CLCN7: variants seen among roughly 807,000 people sequenced by gnomAD.
CLCN7 encodes Cl-/H+ antiporter 7, also known as H(+)/Cl(-) exchange transporter 7.
In CLCN7, 60 loss-of-function variants were observed where a neutral mutation model predicts 102.1. The ratio of observed to expected loss-of-function variants is 0.59; its 90% confidence interval spans 0.48 to 0.73. The LOEUF (loss-of-function observed/expected upper bound fraction) is 0.73. Among genes scored for constraint, CLCN7 ranks in the 30% least tolerant of loss-of-function variants. The pLI, the probability that CLCN7 is intolerant of heterozygous loss-of-function variation, is 0.00. For missense variants in CLCN7, 962 were observed against 1,125.7 expected (o/e 0.85, Z 2.08); for synonymous variants, 560 against 490.5 (o/e 1.14, Z -1.87).
rs957401323 is a variant in CLCN7 at position 1,453,001 on chromosome 16, TTTTG to T, written c.1215-112_1215-109del. The T allele has an allele frequency of 2.0e-4, 289 of 1,461,786 alleles. 2 individuals carry two copies. The highest frequency in any genetic ancestry group is 1.3e-3 in the African/African-American group (94 of 71,306). The allele number at this position is 1,461,786 out of a possible 1,614,324, so 90.6% of individuals were successfully genotyped here. On this transcript the variant is annotated intron_variant, in intron 14 of 24. Transcript: ENST00000382745. ...TGGAGGACACTGGGCCCGTGGTGCT[TTTTG>T]TTTGTTTGTTTTTGTTTTTGAGACG...
At chr16:1,448,608 C>T (rs942884737) in intron 20 of CLCN7, 73 bp downstream of exon 20, 24 of 1,603,128 alleles carry the variant, frequency 1.5e-5, no homozygotes, top group South Asian at 7.7e-5. Flanking sequence ...GCCCGCAAGC[C>T]GTGCACCCTG....
At chr16:1,470,568 T>G (rs564256504) in intron 1 of CLCN7, among the ~76,000 whole-genome samples, 22 of 152,264 alleles carry the variant, frequency 1.4e-4, no homozygotes, top group African/African-American at 5.3e-4. Flanking sequence ...CCCATGGCGT[T>G]AAGGCAGAGA....
rs1596227431 is a variant in CLCN7, at chr16:1,465,275, A to G, written c.205T>C (p.Leu69=). The change falls in exon 2 of 25, where the codon TTG becomes CTG. Residue 69 remains leucine, a synonymous_variant. Coordinates refer to ENST00000382745, the MANE Select transcript of CLCN7 (RefSeq NM_001287.6). ...GAACACCCCCAACTCACCGGGTCCA[A>G]AAGTTCATCATCCAGCTCCACGCTG... is the stretch of plus-strand genomic sequence containing the variant. ...MSSVELDDEL[L]DPDMDPPHPF... 1.2e-6 allele frequency: 2 copies of G among 1,613,820 alleles called. No individual in the cohort carries two copies. The highest frequency in any genetic ancestry group is 1.3e-5 in the African/African-American group (1 of 75,056).
At chr16:1,465,421 G>A (rs2038991911) in intron 1 of CLCN7, 83 bp from the exon 2 acceptor site, 1 of 1,256,232 alleles carries the variant, frequency 8.0e-7, no homozygotes, top group African/African-American at 1.5e-5. Context: ...GCCGCACCCT[G>A]GCCTCGCCTG....
rs1239759759 is a variant in CLCN7, at chr16:1,457,766, A to G, written c.676-10T>C. Reference sequence around the variant, plus strand: ...CTTTGATCACCAACGTCTGAAACACAGGGAGACGCATGGCCTCTGATGAAA... The same window carrying G: ...CTTTGATCACCAACGTCTGAAACACGGGGAGACGCATGGCCTCTGATGAAA... On this transcript the variant is annotated splice_polypyrimidine_tract_variant and intron_variant, in intron 7 of 24. Coordinates refer to ENST00000382745, the MANE Select transcript of CLCN7 (RefSeq NM_001287.6). The surrounding 1 kb of genome is among the most constrained non-coding windows in gnomAD (Gnocchi z 5.4). 3.1e-6 allele frequency: 5 copies of G among 1,613,244 alleles called. No homozygotes were observed. Among genetic ancestry groups the G allele is most frequent in the Non-Finnish European group, 4.2e-6 (5 of 1,179,476 alleles).
chr16:1,463,906 CT>C (rs2038971610), intron 2 of CLCN7, among the ~76,000 whole-genome samples: 1 of 152,112 alleles, frequency 6.6e-6, no homozygotes, highest in Non-Finnish European at 1.5e-5. Flanking sequence ...TCCCAAGTAG[CT>C]GGGACTACTG....
chr16:1,452,918 G>T, intron 14 of CLCN7, 25 bp from the exon 15 acceptor site: 1 of 1,558,962 alleles, frequency 6.4e-7, no homozygotes, highest in Non-Finnish European at 8.7e-7. Flanking sequence ...CAGGCTGCAT[G>T]GCAGGCAGGA....
rs73492094 is a variant in CLCN7 at position 1,464,170 on chromosome 16, G to A, written c.213+1097C>T. ...AGAAAACTTCTATAAATCATGTATT[G>A]GATGAGAGATTTGCATCTATGTATA... On this transcript the variant is annotated intron_variant, in intron 2 of 24. Coordinates refer to ENST00000382745, the MANE Select transcript of CLCN7 (RefSeq NM_001287.6). Among the ~76,000 whole-genome samples the A allele has an allele frequency of 5.7e-3, 863 of 152,200 alleles. 10 individuals carry two copies. The highest frequency in any genetic ancestry group is 0.02 in the African/African-American group (823 of 41,516).
chr16:1,445,986 A>C lies in CLCN7; in HGVS notation c.*645T>G. 2.2e-6 allele frequency: 1 copy of C among 449,450 alleles called. No individual in the cohort carries two copies. The highest frequency in any genetic ancestry group is 4.0e-6 in the Non-Finnish European group (1 of 252,018). The allele number at this position is 449,450 out of a possible 1,614,324, so 27.8% of individuals were successfully genotyped here. On this transcript the variant is annotated 3_prime_UTR_variant, in exon 25 of 25. Transcript: ENST00000382745. ...CATCACAGCACAGGGCCCGTGAGTC[A>C]CCCCAGTCCTCTGGGCCTGTGTACC...
rs1248219252 is a variant in CLCN7 at position 1,453,910 on chromosome 16, A to C, written c.1154-16T>G. On this transcript the variant is annotated splice_polypyrimidine_tract_variant and intron_variant, in intron 13 of 24. Coordinates refer to ENST00000382745, the MANE Select transcript of CLCN7 (RefSeq NM_001287.6). Reference sequence around the variant, plus strand: ...AGCACACCGCCTGCGAACAGGGGAAAGGCCAGTCAGCGACACCGGAGGAAA... The same window carrying C: ...AGCACACCGCCTGCGAACAGGGGAACGGCCAGTCAGCGACACCGGAGGAAA... The C allele has an allele frequency of 6.2e-7, 1 of 1,612,892 alleles. No homozygotes were observed. The highest frequency in any genetic ancestry group is 8.5e-7 in the Non-Finnish European group (1 of 1,179,946).
At chr16:1,474,516 A>C (rs1257929680) in intron 1 of CLCN7, among the ~76,000 whole-genome samples, 1 of 152,192 alleles carries the variant, frequency 6.6e-6, no homozygotes, top group Non-Finnish European at 1.5e-5. Flanking sequence ...AGTCTGGGGG[A>C]CACCGGAGGG....
chr16:1,461,001 T>C, intron 4 of CLCN7, 53 bp from the exon 5 acceptor site: 2 of 1,601,950 alleles, frequency 1.2e-6, no homozygotes, highest in Non-Finnish European at 1.7e-6. Context: ...GCAGTCACTC[T>C]GGCAGCAGCA....
intron 6 of CLCN7, 55 bp downstream of exon 6, chr16:1,460,363 C>T: frequency 1.5e-6 from 2 of 1,333,380 alleles, no homozygotes; most frequent in Non-Finnish European, 2.2e-6. Context: ...GCCCATTCAC[C>T]AAGACCCCCA....
At chr16:1,470,064 T>C (rs1006027333) in intron 1 of CLCN7, among the ~76,000 whole-genome samples, 1 of 152,170 alleles carries the variant, frequency 6.6e-6, no homozygotes, top group South Asian at 2.1e-4. Context: ...AGGGAGAGCG[T>C]TGAATGGGTG....
chr16:1,460,312 G>T, intron 6 of CLCN7, 106 bp downstream of exon 6: 1 of 837,756 alleles, frequency 1.2e-6, no homozygotes, highest in Non-Finnish European at 2.0e-6. Flanking sequence ...CGGGTTGTCA[G>T]CCAATGTGAT....
chr16:1,457,165 G>C lies in CLCN7; in HGVS notation c.822+89C>G. On this transcript the variant is annotated intron_variant, in intron 9 of 24. Transcript: ENST00000382745. This position sits in a 1 kb window ranked among gnomAD's most constrained non-coding sequence, Gnocchi z 5.4. The stretch of plus-strand genomic sequence containing the variant: ...AGATGGGGCTGGGGCTCTCGGCCTG[G>C]GGGTGCTGAGGGAAGCCCATCTCCC... The C allele has an allele frequency of 8.1e-7, 1 of 1,227,014 alleles. No homozygotes were observed. The highest frequency in any genetic ancestry group is 1.2e-6 in the Non-Finnish European group (1 of 830,306). The allele number at this position is 1,227,014 out of a possible 1,614,324, so 76.0% of individuals were successfully genotyped here. A position where few individuals can be genotyped will look rare whatever the true frequency, so the allele number is the denominator to read the frequency against.
At chr16:1,461,541 G>T in intron 3 of CLCN7, 62 bp downstream of exon 3, 1 of 1,608,662 alleles carries the variant, frequency 6.2e-7, no homozygotes, top group Non-Finnish European at 8.5e-7. Flanking sequence ...CAGGGGACCG[G>T]GAGTGGGCTG....
intron 4 of CLCN7, among the ~76,000 whole-genome samples, chr16:1,461,187 G>T (rs1400266782): frequency 1.3e-5 from 2 of 152,256 alleles, no homozygotes; most frequent in African/African-American, 4.8e-5. Flanking sequence ...TGTTATGCTG[G>T]GCACCGCATC....
At chr16:1,447,589 T>C in intron 22 of CLCN7, 21 bp from the exon 23 acceptor site, 2 of 1,552,940 alleles carry the variant, frequency 1.3e-6, no homozygotes, top group African/African-American at 1.4e-5. Context: ...CAGAGCCCTG[T>C]GTCAGGCACC....
Sources: gnomAD v4.1 joint callset for allele counts (sites outside exome capture counted in the v4.1 genomes callset) on GRCh38, gnomAD v4.1.1 for gene constraint, Gnocchi (gnomAD v3.1) non-coding constraint, MANE v1.5 for transcripts, NCBI Gene and HGNC (gene_info 2026-07-23, HGNC 2026-07-21) for gene names.